The following GAREM1 variants were observed in gnomAD, a reference collection of about 807,000 sequenced individuals.
The protein encoded by GAREM1 is GRB2 associated regulator of MAPK1 subtype 1.
In GAREM1, 26 loss-of-function variants were observed where a neutral mutation model predicts 71.3. That is an observed-to-expected ratio of 0.36 (90% CI 0.27 to 0.51). The LOEUF is 0.51. GAREM1 is among the 20% of genes least tolerant of loss of function. The pLI is 0.95. For missense variants in GAREM1, 1,026 were observed against 1,103.1 expected, an observed-to-expected ratio of 0.93 and a Z score of 0.99; for synonymous variants, 440 against 433.2, an observed-to-expected ratio of 1.02 and a Z score of -0.20.
intron 1 of GAREM1, among the ~76,000 whole-genome samples, chr18:32,463,391 T>C (rs1355829066): frequency 2.0e-5 from 3 of 151,936 alleles, no homozygotes; most frequent in East Asian, 3.9e-4. Flanking sequence ...GGAAGAGCTA[T>C]CTGCAAATCT....
At chr18:32,338,084 C>T (rs943733390) in intron 2 of GAREM1, among the ~76,000 whole-genome samples, 1 of 152,192 alleles carries the variant, frequency 6.6e-6, no homozygotes, top group African/African-American at 2.4e-5. Context: ...AGTTTCAATA[C>T]TTACTCATCC....
chr18:32,457,641 T>A (rs1344848750), intron 1 of GAREM1, among the ~76,000 whole-genome samples: 1 of 152,132 alleles, frequency 6.6e-6, no homozygotes, highest in Non-Finnish European at 1.5e-5. Context: ...ACTAAAAGAT[T>A]CTCTTAAAGC....
At chr18:32,454,845 T>C (rs527238551) in intron 1 of GAREM1, among the ~76,000 whole-genome samples, 1 of 152,132 alleles carries the variant, frequency 6.6e-6, no homozygotes, top group African/African-American at 2.4e-5. Flanking sequence ...GGCTGAAGTA[T>C]CCCAACAACT....
intron 2 of GAREM1, among the ~76,000 whole-genome samples, chr18:32,328,660 C>T (rs2047496138): frequency 6.6e-6 from 1 of 152,108 alleles, no homozygotes; most frequent in Non-Finnish European, 1.5e-5. Flanking sequence ...AAAGATATCA[C>T]CACAAGCCAA....
chr18:32,443,611 C>T (rs989904723), intron 1 of GAREM1, among the ~76,000 whole-genome samples: 4 of 152,114 alleles, frequency 2.6e-5, no homozygotes, highest in Non-Finnish European at 4.4e-5. Context: ...ACTGGGATGA[C>T]TGTCATCAAA....
At chr18:32,306,545 TC>T in intron 3 of GAREM1, among the ~76,000 whole-genome samples, 1 of 151,984 alleles carries the variant, frequency 6.6e-6, no homozygotes, top group Non-Finnish European at 1.5e-5. Flanking sequence ...ACTGCCAGTG[TC>T]CCCTGAGGGA....
At chr18:32,450,793 A>G (rs1377127794) in intron 1 of GAREM1, among the ~76,000 whole-genome samples, 2 of 152,110 alleles carry the variant, frequency 1.3e-5, no homozygotes, top group Non-Finnish European at 2.9e-5. Context: ...GCCAGTAACA[A>G]TGACATGTAA....
chr18:32,446,722 A>G (rs889131617), intron 1 of GAREM1, among the ~76,000 whole-genome samples: 1 of 152,210 alleles, frequency 6.6e-6, no homozygotes, highest in African/African-American at 2.4e-5. Flanking sequence ...GAGTTCATCA[A>G]TATGTCTTGT....
intron 1 of GAREM1, 85 bp from the exon 2 acceptor site, chr18:32,393,120 C>T (rs969892786): frequency 9.9e-6 from 13 of 1,319,060 alleles, no homozygotes; most frequent in African/African-American, 5.9e-5. Context: ...TTAGTTAAAA[C>T]TTGACTAATG....
intron 1 of GAREM1, among the ~76,000 whole-genome samples, chr18:32,457,291 G>A (rs897388901): frequency 1.1e-4 from 17 of 150,546 alleles, no homozygotes; most frequent in Non-Finnish European, 2.5e-4. Context: ...CAAAATGTTG[G>A]TGGTTATATC....
At chr18:32,355,096 T>A (rs1013848526) in intron 2 of GAREM1, among the ~76,000 whole-genome samples, 5 of 152,340 alleles carry the variant, frequency 3.3e-5, no homozygotes, top group Non-Finnish European at 7.3e-5. Context: ...GTGCTGAGAA[T>A]TTGAAAGTAG....
At chr18:32,289,075 T>C (rs1433624890) in intron 3 of GAREM1, among the ~76,000 whole-genome samples, 1 of 152,150 alleles carries the variant, frequency 6.6e-6, no homozygotes, top group Non-Finnish European at 1.5e-5. Context: ...TATATTTGTT[T>C]TTTTGTTTTG....
At chr18:32,336,089 C>T (rs905265514) in intron 2 of GAREM1, among the ~76,000 whole-genome samples, 1 of 152,090 alleles carries the variant, frequency 6.6e-6, no homozygotes, top group African/African-American at 2.4e-5. Context: ...GGATCGGTTT[C>T]GTTATCTGTA....
At chr18:32,351,701 CTTT>C (rs60133649) in intron 2 of GAREM1, among the ~76,000 whole-genome samples, 6 of 144,776 alleles carry the variant, frequency 4.1e-5, no homozygotes, top group Admixed American at 1.4e-4. Context: ...TACCCTCTCT[CTTT>C]TTTTTTTTTT....
At chr18:32,341,130 C>T (rs1302581212) in intron 2 of GAREM1, among the ~76,000 whole-genome samples, 1 of 152,148 alleles carries the variant, frequency 6.6e-6, no homozygotes, top group African/African-American at 2.4e-5. Flanking sequence ...CCTCCCTCCT[C>T]CCCTTACCCC....
chr18:32,414,059 C>A (rs966006786), intron 1 of GAREM1, among the ~76,000 whole-genome samples: 15 of 152,000 alleles, frequency 9.9e-5, no homozygotes, highest in African/African-American at 3.4e-4. Flanking sequence ...GTATTGTACA[C>A]ACATATACTT....
intron 2 of GAREM1, among the ~76,000 whole-genome samples, chr18:32,377,010 A>G (rs908453235): frequency 2.0e-5 from 3 of 152,208 alleles, no homozygotes; most frequent in Admixed American, 6.5e-5. Context: ...CTCATGACAG[A>G]TATCTATGAG....
At chr18:32,281,981 A>C (rs2144447554) in intron 4 of GAREM1, among the ~76,000 whole-genome samples, 1 of 152,228 alleles carries the variant, frequency 6.6e-6, no homozygotes, top group East Asian at 1.9e-4. Context: ...TCCTTTTCCT[A>C]GCTCATCCTG....
At chr18:32,346,995 C>G (rs561280037) in intron 2 of GAREM1, among the ~76,000 whole-genome samples, 1 of 152,268 alleles carries the variant, frequency 6.6e-6, no homozygotes, top group Admixed American at 6.5e-5. Context: ...CACTACATTT[C>G]TGTTTGGAAA....
Sources: allele counts gnomAD v4.1 joint callset (sites outside exome capture counted in the v4.1 genomes callset), GRCh38; gene constraint gnomAD v4.1.1; transcripts MANE v1.5; gene names NCBI Gene and HGNC (gene_info 2026-07-23, HGNC 2026-07-21).